The following G3BP2 variants were observed in gnomAD, a reference collection of about 807,000 sequenced individuals.
The protein encoded by G3BP2 is G3BP stress granule assembly factor 2.
A neutral mutation model predicts 56.7 loss-of-function variants in G3BP2; 11 were observed. The observed-to-expected ratio is 0.19, with a 90% CI of 0.12 to 0.32. G3BP2 has a LOEUF of 0.32. Among genes scored for constraint, G3BP2 ranks in the 10% least tolerant of loss-of-function variants. G3BP2 has a pLI of 1.00. For missense variants in G3BP2, 340 were observed against 610.9 expected (o/e 0.56, Z 4.67); for synonymous variants, 165 against 191.6 (o/e 0.86, Z 1.15).
chr4:75,695,165 A>T (rs1719050719), intron 3 of G3BP2, among the ~76,000 whole-genome samples: 1 of 152,162 alleles, frequency 6.6e-6, no homozygotes, highest in Admixed American at 6.5e-5. Context: ...AAGGCATCAG[A>T]CCTGGAGGGA....
rs145517650 is a variant in G3BP2, at chr4:75,680,371, C to T, written c.-24-18322G>A. On this transcript the variant is annotated intron_variant, in intron 3 of 3. Transcript: ENST00000499709. ...AACACATGGGATCAAATCGCATTTTCTTCACTAACTACTTCTGTGACACTA... is the reference window on the plus strand; with the variant it reads ...AACACATGGGATCAAATCGCATTTTTTTCACTAACTACTTCTGTGACACTA... Among the ~76,000 whole-genome samples, 108 of 152,316 alleles carry T rather than the reference C, an allele frequency of 7.1e-4. 1 individual carries two copies. The highest frequency in any genetic ancestry group is 6.8e-3 in the Middle Eastern group (2 of 294).
intron 3 of G3BP2, among the ~76,000 whole-genome samples, chr4:75,706,563 G>A (rs1283145593): frequency 6.6e-6 from 1 of 151,794 alleles, no homozygotes; most frequent in Non-Finnish European, 1.5e-5. Flanking sequence ...TGTAATACCA[G>A]CTACTCAGGA....
intron 8 of G3BP2, chr4:75,649,041 T>C (rs898786914): frequency 4.8e-5 from 6 of 124,364 alleles, no homozygotes; most frequent in Non-Finnish European, 7.6e-5. Context: ...AAGGTATTGC[T>C]ACCAAAAAAA....
chr4:75,720,727 C>T (rs1246749609), intron 3 of G3BP2, among the ~76,000 whole-genome samples: 1 of 149,322 alleles, frequency 6.7e-6, no homozygotes, highest in African/African-American at 2.5e-5. Flanking sequence ...ACCCGGGAGG[C>T]CGAGGTTGCA....
At chr4:75,714,754 C>T (rs1719874190) in intron 3 of G3BP2, among the ~76,000 whole-genome samples, 1 of 152,152 alleles carries the variant, frequency 6.6e-6, no homozygotes, top group Non-Finnish European at 1.5e-5. Context: ...GAAAGGCACA[C>T]TCATTTGTAG....
chr4:75,674,898 T>C (rs1301062070), upstream of G3BP2, among the ~76,000 whole-genome samples: 1 of 151,628 alleles, frequency 6.6e-6, no homozygotes, highest in African/African-American at 2.4e-5. Context: ...AATTTTTATA[T>C]TTTTAGTAGA....
chr4:75,713,493 A>G (rs1356393393), intron 3 of G3BP2, among the ~76,000 whole-genome samples: 5 of 152,212 alleles, frequency 3.3e-5, no homozygotes, highest in East Asian at 1.9e-4. Context: ...ATCAAAAGTG[A>G]TATCACTGGC....
intron 3 of G3BP2, among the ~76,000 whole-genome samples, chr4:75,700,037 C>T (rs1719276739): frequency 6.6e-6 from 1 of 151,954 alleles, no homozygotes; most frequent in African/African-American, 2.4e-5. Flanking sequence ...ATAAAAGCAC[C>T]AGTACTCAAG....
chr4:75,695,094 G>A (rs1330879414), intron 3 of G3BP2, among the ~76,000 whole-genome samples: 2 of 152,288 alleles, frequency 1.3e-5, no homozygotes. Context: ...AACACAACAG[G>A]ATTTGGTTGT....
intron 8 of G3BP2, among the ~76,000 whole-genome samples, chr4:75,653,589 T>TTTAA (rs1560613842): frequency 1.6e-5 from 2 of 121,540 alleles, no homozygotes; most frequent in African/African-American, 3.1e-5. Context: ...TTTTTTGCTT[T>TTTAA]AAAAAAAAAA....
chr4:75,650,321 C>T (rs1265944117), intron 8 of G3BP2, among the ~76,000 whole-genome samples: 1 of 148,124 alleles, frequency 6.8e-6, no homozygotes, highest in African/African-American at 2.5e-5. Context: ...GTAATCCCAG[C>T]TACTAGGGAG....
chr4:75,673,091 G>A (rs1164790865), intron 1 of G3BP2, 117 bp downstream of exon 1: 4 of 1,038,656 alleles, frequency 3.9e-6, no homozygotes, highest in African/African-American at 1.7e-5. Flanking sequence ...TGTCTCTGCC[G>A]CTACACCTCC....
chr4:75,661,186 T>C (rs1007979374), intron 2 of G3BP2, among the ~76,000 whole-genome samples: 1 of 152,192 alleles, frequency 6.6e-6, no homozygotes, highest in African/African-American at 2.4e-5. Context: ...TGGAGTGCAG[T>C]GGCACGATGC....
intron 8 of G3BP2, 94 bp from the exon 9 acceptor site, chr4:75,648,835 A>G (rs1731445472): frequency 3.0e-6 from 2 of 661,698 alleles, no homozygotes; most frequent in African/African-American, 1.8e-5. Flanking sequence ...CAGACATAAC[A>G]GTAGTTTTAA....
chr4:75,712,926 G>T (rs1333163121), intron 3 of G3BP2, among the ~76,000 whole-genome samples: 1 of 151,888 alleles, frequency 6.6e-6, no homozygotes, highest in Non-Finnish European at 1.5e-5. Flanking sequence ...CCAGCAAAAG[G>T]AACTATAGTA....
In G3BP2 at chr4:75,646,474, A is replaced by AGCTCATTTT; in HGVS notation, c.1058-19_1058-18insAAAATGAGC. On this transcript the variant is annotated intron_variant, in intron 10 of 11. Coordinates refer to ENST00000359707, the MANE Select transcript of G3BP2 (RefSeq NM_203505.3). ...TCCAAAACCTGTGAAAATATACATT[A>AGCTCATTTT]CATCAAGGGTTAAATATTTTTAACA... The AGCTCATTTT allele has an allele frequency of 1.5e-6, 2 of 1,292,578 alleles. No individual in the cohort carries two copies. The highest frequency in any genetic ancestry group is 2.3e-6 in the Non-Finnish European group (2 of 886,946). 80.1% of individuals were successfully genotyped at this position (1,292,578 alleles called of 1,614,324 possible). A position where few individuals can be genotyped will look rare whatever the true frequency, so the allele number is the denominator to read the frequency against.
chr4:75,698,247 T>G (rs6531868), intron 3 of G3BP2, among the ~76,000 whole-genome samples: 1 of 152,012 alleles, frequency 6.6e-6, no homozygotes, highest in East Asian at 1.9e-4. Context: ...GAGAAGGCTA[T>G]GTGAGGAAGG....
chr4:75,674,670 A>C, upstream of G3BP2, among the ~76,000 whole-genome samples: 1 of 141,710 alleles, frequency 7.1e-6, no homozygotes, highest in Admixed American at 7.2e-5. Flanking sequence ...CAGTAACCCT[A>C]TGAGCTAGTT....
intron 1 of G3BP2, among the ~76,000 whole-genome samples, chr4:75,664,505 G>A (rs1732840874): frequency 6.6e-6 from 1 of 152,082 alleles, no homozygotes. Flanking sequence ...GATCCCAGGA[G>A]GCAGAGTTTG....
Sources: gnomAD v4.1 joint callset for allele counts (sites outside exome capture counted in the v4.1 genomes callset) on GRCh38, gnomAD v4.1.1 for gene constraint, MANE v1.5 for transcripts, NCBI Gene and HGNC (gene_info 2026-07-23, HGNC 2026-07-21) for gene names.